The following GSE1 variants were observed in gnomAD, a reference collection of about 807,000 sequenced individuals.
GSE1 encodes genetic suppressor element 1.
GSE1 carries 32 observed loss-of-function variants against 112.6 expected under a neutral mutation model. That is an observed-to-expected ratio of 0.28 (90% CI 0.21 to 0.38). The LOEUF is 0.38. GSE1 is among the 10% of genes least tolerant of loss of function. The probability of loss-of-function intolerance (pLI) is 1.00; values close to 1 mark genes in which losing one functional copy is unlikely to be tolerated. For missense variants in GSE1, 2,348 were observed against 1,699.2 expected (o/e 1.38, Z -6.71); for synonymous variants, 1,115 against 735.6 (o/e 1.52, Z -8.35).
At chr16:85,218,989 T>C (rs2075347835) in intron 1 of GSE1, among the ~76,000 whole-genome samples, 1 of 152,150 alleles carries the variant, frequency 6.6e-6, no homozygotes, top group African/African-American at 2.4e-5. Context: ...ACACCATTCT[T>C]CTGCCTCAGC....
At chr16:85,370,746 G>C (rs2047281155) in intron 2 of GSE1, among the ~76,000 whole-genome samples, 1 of 152,246 alleles carries the variant, frequency 6.6e-6, no homozygotes, top group Admixed American at 6.5e-5. Flanking sequence ...TGAGAACCCA[G>C]TGTGTGCTGC....
At chr16:85,277,897 C>T (rs1330154885) in intron 1 of GSE1, among the ~76,000 whole-genome samples, 2 of 152,236 alleles carry the variant, frequency 1.3e-5, no homozygotes, top group Non-Finnish European at 1.5e-5. Flanking sequence ...CTGTGGATTC[C>T]TCCTGGCCTC....
chr16:85,587,172 C>G (rs546909017), intron 1 of GSE1, among the ~76,000 whole-genome samples: 114 of 150,188 alleles, frequency 7.6e-4, no homozygotes, highest in African/African-American at 1.8e-3. Flanking sequence ...GACGAAACCC[C>G]CCCCCCCCCA....
chr16:85,519,126 A>G (rs1413839467), intron 2 of GSE1, among the ~76,000 whole-genome samples: 1 of 152,220 alleles, frequency 6.6e-6, no homozygotes, highest in East Asian at 1.9e-4. Context: ...TGAGGGCTAA[A>G]TGAGGTACTG....
chr16:85,393,326 G>C (rs2047888473), intron 2 of GSE1, among the ~76,000 whole-genome samples: 1 of 152,204 alleles, frequency 6.6e-6, no homozygotes, highest in South Asian at 2.1e-4. Context: ...GAGGCCTCTG[G>C]CAAGACAGGA....
chr16:85,462,961 C>A, intron 2 of GSE1: 1 of 242,746 alleles, frequency 4.1e-6, no homozygotes, highest in Non-Finnish European at 6.6e-6. Context: ...CCGTCTCCCC[C>A]GCCCCCTCCG....
chr16:85,262,114 G>A lies in GSE1; in HGVS notation c.2283+90307G>A, dbSNP rs899333118. 5.3e-5 allele frequency among the ~76,000 whole-genome samples: 8 copies of A among 152,144 alleles called. No homozygotes were observed. In the South Asian group the frequency reaches 6.2e-4, roughly 12 times the overall value. ...ACCACTTCACTGGCATCTCCCCGGC[G>A]GGTGCTTGGAATGCCCCAAACAAGA... On this transcript the variant is annotated intron_variant, in intron 1 of 2. Coordinates refer to the GSE1 transcript ENST00000637419.
Position 85,674,350 on chromosome 16 carries a change from T to C in GSE1, c.*1811T>C, listed in dbSNP as rs2053564627. The stretch of plus-strand genomic sequence containing the variant: ...CAAACTCAGACGAATGTACCGCCAG[T>C]ATTATCAGCAGTCAACAAGCACCTT... On this transcript the variant is annotated 3_prime_UTR_variant, in exon 16 of 16. Transcript: ENST00000253458. The C allele has an allele frequency of 1.3e-5, 2 of 152,262 alleles. No individual in the cohort carries two copies. The highest frequency in any genetic ancestry group is 4.8e-5 in the African/African-American group (2 of 41,460). 9.4% of individuals were successfully genotyped at this position (152,262 alleles called of 1,614,324 possible). A position where few individuals can be genotyped will look rare whatever the true frequency, so the allele number is the denominator to read the frequency against.
upstream of GSE1, chr16:85,555,290 C>T (rs2151256550): frequency 1.0e-6 from 1 of 985,304 alleles, no homozygotes; most frequent in South Asian, 4.7e-5. Flanking sequence ...CTCCTGCCTC[C>T]TTCTGCCCAG....
At chr16:85,228,307 T>C (rs1322130243) in intron 1 of GSE1, among the ~76,000 whole-genome samples, 1 of 152,084 alleles carries the variant, frequency 6.6e-6, no homozygotes, top group Admixed American at 6.5e-5. Flanking sequence ...TGGGGAGCCA[T>C]TGTAGGTTTT....
In GSE1 at chr16:85,560,128, C is replaced by CTTTTTT. The variant is rs377241566; in HGVS notation, c.37+3782_37+3787dup. On this transcript the variant is annotated intron_variant, in intron 1 of 2. Transcript: ENST00000635906. ...CACAGAGCTTTTTTTTCTTCTTCTT[C>CTTTTTT]TTTTTTTTTTTTTTTTTTTTTTATG... Among the ~76,000 whole-genome samples the CTTTTTT allele has an allele frequency of 8.9e-3, 884 of 99,046 alleles. 1 individual carries two copies. The highest frequency in any genetic ancestry group is 0.011 in the Non-Finnish European group (574 of 53,618). 65.0% of individuals were successfully genotyped at this position (99,046 alleles called of 152,430 possible).
chr16:85,674,873 C>G lies in GSE1; in HGVS notation c.*2334C>G, dbSNP rs1353268108. 1 of 152,692 alleles carries G rather than the reference C, an allele frequency of 6.5e-6. No homozygotes were observed. Among genetic ancestry groups the G allele is most frequent in the South Asian group, 2.1e-4 (1 of 4,826 alleles). The allele number at this position is 152,692 out of a possible 1,614,324, so 9.5% of individuals were successfully genotyped here. ...CTTGAGCTTCTTGCCCACTGTCTCC[C>G]CATCCTTCCACCTACTTGTGGCGAT... On this transcript the variant is annotated 3_prime_UTR_variant, in exon 16 of 16. Transcript: ENST00000253458.
intron 1 of GSE1, among the ~76,000 whole-genome samples, chr16:85,339,914 C>A (rs1214395098): frequency 6.6e-6 from 1 of 152,148 alleles, no homozygotes; most frequent in Non-Finnish European, 1.5e-5. Context: ...CTGCCAAGTC[C>A]TCAGTGCCAA....
At chr16:85,376,239 C>T (rs1235625396) in intron 2 of GSE1, among the ~76,000 whole-genome samples, 1 of 152,240 alleles carries the variant, frequency 6.6e-6, no homozygotes, top group Admixed American at 6.5e-5. Context: ...AGGAACCAGA[C>T]CCCACAGGCA....
intron 2 of GSE1, among the ~76,000 whole-genome samples, chr16:85,401,141 G>C (rs555112748): frequency 6.6e-6 from 1 of 152,180 alleles, no homozygotes; most frequent in African/African-American, 2.4e-5. Flanking sequence ...GGGTGGGTGC[G>C]GTGCGGGGAG....
intron 1 of GSE1, among the ~76,000 whole-genome samples, chr16:85,255,192 C>T (rs895858184): frequency 6.6e-6 from 1 of 152,188 alleles, no homozygotes; most frequent in African/African-American, 2.4e-5. Context: ...CCACACCACC[C>T]CACCCGCTCC....
At chr16:85,628,487 C>T (rs1374972598) in intron 1 of GSE1, among the ~76,000 whole-genome samples, 1 of 152,136 alleles carries the variant, frequency 6.6e-6, no homozygotes, top group Non-Finnish European at 1.5e-5. Context: ...GATAGTGACA[C>T]TGAGGTAGCC....
At chr16:85,539,412 G>T (rs2044443369) in intron 2 of GSE1, among the ~76,000 whole-genome samples, 1 of 152,224 alleles carries the variant, frequency 6.6e-6, no homozygotes, top group South Asian at 2.1e-4. Flanking sequence ...GAGTGCTTTA[G>T]CAGGGACAAA....
chr16:85,481,404 AG>A (rs1430076814), intron 2 of GSE1, among the ~76,000 whole-genome samples: 1 of 152,136 alleles, frequency 6.6e-6, no homozygotes, highest in Admixed American at 6.5e-5. Context: ...ATGCTTAGGA[AG>A]GGTTTTGAGG....
Sources: allele counts gnomAD v4.1 joint callset (sites outside exome capture counted in the v4.1 genomes callset), GRCh38; gene constraint gnomAD v4.1.1; transcripts MANE v1.5; gene names NCBI Gene and HGNC (gene_info 2026-07-23, HGNC 2026-07-21).